Variants in EWSR1 observed in about 807,000 individuals in gnomAD.
The protein encoded by EWSR1 is RNA-binding protein EWS.
EWSR1 carries 14 observed loss-of-function variants against 92.1 expected under a neutral mutation model. The observed-to-expected ratio is 0.15, with a 90% confidence interval of 0.10 to 0.24. EWSR1 has a LOEUF of 0.24. Ranked by LOEUF, EWSR1 falls within the 10% of genes least tolerant of loss-of-function variation. The pLI, the probability that EWSR1 is intolerant of heterozygous loss-of-function variation, is 1.00. For synonymous variants in EWSR1, 303 were observed against 292.9 expected (o/e 1.03, Z -0.35); for missense variants, 637 against 870.9 (o/e 0.73, Z 3.38).
In EWSR1 at chr22:29,294,199, AAAG is replaced by A. The variant is rs386820575; in HGVS notation, c.1164+1594_1164+1596del. On this transcript the variant is annotated intron_variant, in intron 11 of 16. Transcript: ENST00000397938. ...TTCAGTAAAGACTATCGATTTCCTT[AAAG>A]GTCTTGCAAATTTTACTAGTTTTAC... Among the ~76,000 whole-genome samples, 947 of 152,252 alleles carry A rather than the reference AAAG, an allele frequency of 6.2e-3. 10 individuals are homozygous for A. The highest frequency in any genetic ancestry group is 0.021 in the African/African-American group (885 of 41,534).
intron 16 of EWSR1, 106 bp downstream of exon 16, chr22:29,299,957 G>A: frequency 1.3e-6 from 2 of 1,531,522 alleles, no homozygotes; most frequent in South Asian, 2.5e-5. Context: ...GCTTGTGATA[G>A]TGGTTGGGAG....
intron 9 of EWSR1, chr22:29,291,923 T>C (rs1363138361): frequency 6.7e-6 from 4 of 599,724 alleles, no homozygotes; most frequent in Non-Finnish European, 1.2e-5. Context: ...TGGTTAATGG[T>C]TTAGAAGCAA....
chr22:29,269,100 T>C (rs1408090274), intron 1 of EWSR1: 1 of 152,244 alleles, frequency 6.6e-6, no homozygotes, highest in Non-Finnish European at 1.5e-5. Context: ...GGGCCCTTTT[T>C]CTGCAAACGC....
chr22:29,274,424 C>A, intron 4 of EWSR1: 1 of 831,472 alleles, frequency 1.2e-6, no homozygotes, highest in Non-Finnish European at 2.0e-6. Flanking sequence ...TGAAAAACTG[C>A]TTCAGGTGCC....
intron 3 of EWSR1, among the ~76,000 whole-genome samples, chr22:29,273,417 A>C (rs1466605914): frequency 6.6e-6 from 1 of 152,086 alleles, no homozygotes; most frequent in Non-Finnish European, 1.5e-5. Context: ...TTCCCTTGAG[A>C]GTGTCTTGTT....
chr22:29,273,787 T>G lies in EWSR1; in HGVS notation c.149T>G (p.Val50Gly). The G allele has an allele frequency of 6.2e-7, 1 of 1,614,044 alleles. No individual in the cohort carries two copies. The highest frequency in any genetic ancestry group is 8.5e-7 in the Non-Finnish European group (1 of 1,179,962). ...GGAACCTATGGACAGCCCACTGATG[T>G]CAGCTATACCCAGGCTCAGACCACT... ...SYGTYGQPTD[V>G]SYTQAQTTAT... Residue 50 changes from valine (V) to glycine (G), a missense_variant, in exon 4 of 17, where the codon GTC becomes GGC. Val to Gly is a moderately radical substitution (Grantham distance 109). This residue lies in a region of EWSR1 where 144 missense variants were observed against 189.0 expected (regional missense o/e 0.76). Coordinates refer to ENST00000397938, the MANE Select transcript of EWSR1 (RefSeq NM_005243.4).
chr22:29,289,780 A>G (rs967961168), intron 8 of EWSR1: 15 of 231,938 alleles, frequency 6.5e-5, no homozygotes, highest in Admixed American at 5.6e-4. Context: ...AATACTCTTC[A>G]CTACTGAAAG....
In EWSR1 at chr22:29,299,340, A is replaced by G. The variant is rs2061148129; in HGVS notation, c.1678+9A>G. ...ACCCTTTCCGCCCCCGGGTAGGTGC[A>G]GGTTTCATGAGTGTCCCCTCAGCTT... On this transcript the variant is annotated intron_variant, in intron 15 of 16. Transcript: ENST00000397938. 1.2e-6 allele frequency: 2 copies of G among 1,609,200 alleles called. No homozygotes were observed. The highest frequency in any genetic ancestry group is 1.7e-6 in the Non-Finnish European group (2 of 1,176,102).
rs960481157 is a variant in EWSR1 at position 29,300,509 on chromosome 22, A to ATGTT, written c.*350_*353dup. 3.1e-5 allele frequency: 7 copies of ATGTT among 224,592 alleles called. No homozygotes were observed. Among genetic ancestry groups the ATGTT allele is most frequent in the Admixed American group, 5.6e-5 (1 of 17,940 alleles). 13.9% of individuals were successfully genotyped at this position (224,592 alleles called of 1,614,324 possible). ...TTTTTTTTTTTAAATAAAATTCCAAATGTTTATAAAGAGTCATCCTTCTCG... is the reference window on the plus strand; with the variant it reads ...TTTTTTTTTTTAAATAAAATTCCAAATGTTTGTTTATAAAGAGTCATCCTTCTCG... On this transcript the variant is annotated 3_prime_UTR_variant, in exon 17 of 17. Transcript: ENST00000397938.
chr22:29,297,558 G>A lies in EWSR1; in HGVS notation c.1295-269G>A, dbSNP rs188195066. Reference sequence around the variant, plus strand: ...AATTTTGTAAAATTAGTCGGGCATGGTGATGCGTGCCTGTAGTCCCAGCTA... The same window carrying A: ...AATTTTGTAAAATTAGTCGGGCATGATGATGCGTGCCTGTAGTCCCAGCTA... On this transcript the variant is annotated intron_variant, in intron 12 of 16. Transcript: ENST00000397938. 4.1e-3 allele frequency among the ~76,000 whole-genome samples: 617 copies of A among 152,282 alleles called. 2 individuals carry two copies. The highest frequency in any genetic ancestry group is 6.2e-3 in the Non-Finnish European group (419 of 68,022).
At chr22:29,299,067 T>A in intron 14 of EWSR1, 167 bp from the exon 15 acceptor site, 1 of 1,404,262 alleles carries the variant, frequency 7.1e-7, no homozygotes, top group Non-Finnish European at 9.7e-7. Context: ...TTCTGAAGAT[T>A]GATTTGACCT....
intron 5 of EWSR1, among the ~76,000 whole-genome samples, chr22:29,279,156 CA>C (rs1253764215): frequency 2.0e-5 from 3 of 152,040 alleles, no homozygotes; most frequent in African/African-American, 7.2e-5. Flanking sequence ...TGTTTTCACT[CA>C]AAACAGCATA....
intron 16 of EWSR1, 55 bp downstream of exon 16, chr22:29,299,906 C>T: frequency 5.2e-6 from 8 of 1,532,234 alleles, no homozygotes; most frequent in Middle Eastern, 1.9e-4. Flanking sequence ...GAGGACAGCC[C>T]TTCCCAGCTT....
chr22:29,288,567 A>AT, intron 7 of EWSR1, 39 bp from the exon 8 acceptor site: 1 of 1,564,860 alleles, frequency 6.4e-7, no homozygotes, highest in East Asian at 2.3e-5. Flanking sequence ...AGTGGTGTAA[A>AT]TGCTGGTCCA....
intron 9 of EWSR1, 49 bp downstream of exon 9, chr22:29,291,648 C>T: frequency 6.5e-7 from 1 of 1,534,560 alleles, no homozygotes; most frequent in Non-Finnish European, 8.9e-7. Context: ...AAAATGCAGT[C>T]AGTTTTTAGA....
In EWSR1 at chr22:29,278,035, A is replaced by G; in HGVS notation, c.232A>G (p.Thr78Ala). 1.9e-6 allele frequency: 3 copies of G among 1,613,628 alleles called. No homozygotes were observed. The highest frequency in any genetic ancestry group is 2.5e-6 in the Non-Finnish European group (3 of 1,179,656). ...TSYGQPPTGY[T>A]TPTAPQAYSQ... ...GCAGCTCTCCTTTGTTCTAGGTTATACTACTCCAACTGCCCCCCAGGCATA... is the reference window on the plus strand; with the variant it reads ...GCAGCTCTCCTTTGTTCTAGGTTATGCTACTCCAACTGCCCCCCAGGCATA... Residue 78 changes from threonine to alanine, a missense_variant, in exon 5 of 17, where the codon ACT becomes GCT. Around this residue, in one of 5 missense-constraint regions of EWSR1, gnomAD observed 144 missense variants for 189.0 expected, o/e 0.76. Coordinates refer to ENST00000397938, the MANE Select transcript of EWSR1 (RefSeq NM_005243.4).
chr22:29,290,630 G>A (rs746559064), intron 8 of EWSR1: 994 of 1,467,594 alleles, frequency 6.8e-4, no homozygotes, highest in Non-Finnish European at 8.7e-4. Context: ...TGAACCAGAG[G>A]AGGTATAATA....
Position 29,299,731 on chromosome 22 carries a change from G to A in EWSR1, c.1811G>A (p.Gly604Asp), listed in dbSNP as rs368700556. ...AGAGGTGGCTTCCGTGGTGGCCGGG[G>A]CATGGACCGAGGTGGCTTTGGTGGA... ...GDRGGFRGGR[G>D]MDRGGFGGGR... The change falls in exon 16 of 17, where the codon GGC becomes GAC. Residue 604 changes from glycine to aspartate, a missense_variant. This residue lies in a region of EWSR1 where 363 missense variants were observed against 447.8 expected (regional missense o/e 0.81). Transcript: ENST00000397938. 1 of 1,611,858 alleles carries A rather than the reference G, an allele frequency of 6.2e-7. No homozygotes were observed. The highest frequency in any genetic ancestry group is 8.5e-7 in the Non-Finnish European group (1 of 1,178,816).
At chr22:29,292,414 C>A in intron 10 of EWSR1, 74 bp from the exon 11 acceptor site, 2 of 997,092 alleles carry the variant, frequency 2.0e-6, no homozygotes, top group Non-Finnish European at 3.2e-6. Flanking sequence ...TATCCTTGGG[C>A]AGTAGTGATC....
Sources: allele counts gnomAD v4.1 joint callset (sites outside exome capture counted in the v4.1 genomes callset), GRCh38; gene constraint gnomAD v4.1.1; regional missense constraint gnomAD v4.1.1; transcripts MANE v1.5; gene names NCBI Gene and HGNC (gene_info 2026-07-23, HGNC 2026-07-21).